Variants in RPS6KA5 observed in about 807,000 individuals in gnomAD.
The protein encoded by RPS6KA5 is ribosomal protein S6 kinase alpha-5.
A neutral mutation model predicts 85.5 loss-of-function variants in RPS6KA5; 27 were observed. The ratio of observed to expected loss-of-function variants is 0.32; its 90% CI spans 0.23 to 0.44. RPS6KA5 has a LOEUF of 0.44. Among genes scored for constraint, RPS6KA5 ranks in the 20% least tolerant of loss-of-function variants. The probability of loss-of-function intolerance (pLI) is 1.00; values close to 1 mark genes in which losing one functional copy is unlikely to be tolerated. For missense variants in RPS6KA5, 811 were observed against 980.9 expected (o/e 0.83, Z 2.31); for synonymous variants, 334 against 348.2 (o/e 0.96, Z 0.46).
chr14:90,985,934 G>A (rs576841973), intron 2 of RPS6KA5, among the ~76,000 whole-genome samples: 58 of 152,238 alleles, frequency 3.8e-4, no homozygotes, highest in African/African-American at 1.4e-3. Context: ...TGCTTTGAAA[G>A]GACTAGATAA....
chr14:91,026,394 C>A (rs1317333659), intron 1 of RPS6KA5, among the ~76,000 whole-genome samples: 1 of 152,044 alleles, frequency 6.6e-6, no homozygotes, highest in Non-Finnish European at 1.5e-5. Flanking sequence ...CCATACCTAG[C>A]TAATTTTTTT....
chr14:90,968,012 C>T (rs780954520), intron 3 of RPS6KA5, among the ~76,000 whole-genome samples: 5 of 152,144 alleles, frequency 3.3e-5, no homozygotes, highest in Non-Finnish European at 7.4e-5. Context: ...GACTTAGTGG[C>T]GTAAACACTA....
intron 5 of RPS6KA5, among the ~76,000 whole-genome samples, chr14:90,927,016 C>T (rs572112394): frequency 3.3e-5 from 5 of 152,150 alleles, no homozygotes; most frequent in African/African-American, 1.2e-4. Flanking sequence ...GACTAAAATA[C>T]TAAATAATAT....
chr14:90,860,876 CAA>C lies in RPS6KA5; in HGVS notation c.*11196_*11197del, dbSNP rs2032508794. The C allele has an allele frequency of 6.8e-6, 1 of 146,698 alleles. No individual in the cohort carries two copies. Among genetic ancestry groups the C allele is most frequent in the East Asian group, 2.0e-4 (1 of 4,980 alleles). The allele number at this position is 146,698 out of a possible 1,614,324, so 9.1% of individuals were successfully genotyped here. On this transcript the variant is annotated 3_prime_UTR_variant, in exon 17 of 17. Transcript: ENST00000614987. ...AAACATAAATATGTGAGCAAACAAA[CAA>C]TATAGAGTCTATTTTTTTTTTTTTT...
At chr14:90,930,646 A>T (rs1347384530) in intron 5 of RPS6KA5, among the ~76,000 whole-genome samples, 7 of 152,172 alleles carry the variant, frequency 4.6e-5, no homozygotes, top group Non-Finnish European at 4.4e-5. Context: ...TCTGATAAGG[A>T]GTTAATATCT....
chr14:90,925,941 C>CAAAAAAAAAA (rs71117389), intron 5 of RPS6KA5, among the ~76,000 whole-genome samples: 81 of 73,404 alleles, frequency 1.1e-3, no homozygotes, highest in Non-Finnish European at 1.2e-3. Context: ...GACCCTGACT[C>CAAAAAAAAAA]AAAAAAAAAA....
chr14:91,041,966 ATAAAT>A (rs1241401049), intron 1 of RPS6KA5, among the ~76,000 whole-genome samples: 8 of 152,244 alleles, frequency 5.3e-5, no homozygotes, highest in African/African-American at 1.9e-4. Context: ...CATGTACCAA[ATAAAT>A]TTAACTTAGA....
At chr14:90,885,252 CA>C (rs997481800) in intron 14 of RPS6KA5, among the ~76,000 whole-genome samples, 1,840 of 101,780 alleles carry the variant, frequency 0.018, 36 homozygotes, top group Admixed American at 0.053. Flanking sequence ...GATCTTGTCT[CA>C]AAAAAAAAAA....
rs972145407 is a variant in RPS6KA5 at position 90,870,257 on chromosome 14, C to G, written c.*1817G>C. On this transcript the variant is annotated 3_prime_UTR_variant, in exon 17 of 17. Coordinates refer to ENST00000614987, the MANE Select transcript of RPS6KA5 (RefSeq NM_004755.4). ...TTTCTTGATTACTAGAGATCTGTGC[C>G]TGATGGAATCACATTTTGTGAATTA... The G allele has an allele frequency of 1.3e-5, 2 of 152,092 alleles. No individual in the cohort carries two copies. Among genetic ancestry groups the G allele is most frequent in the Non-Finnish European group, 2.9e-5 (2 of 68,018 alleles). 9.4% of individuals were successfully genotyped at this position (152,092 alleles called of 1,614,324 possible). A position where few individuals can be genotyped will look rare whatever the true frequency, so the allele number is the denominator to read the frequency against.
chr14:91,057,532 T>TTCA (rs2043373555), intron 1 of RPS6KA5, among the ~76,000 whole-genome samples: 1 of 144,128 alleles, frequency 6.9e-6, no homozygotes, highest in Non-Finnish European at 1.5e-5. Context: ...TAGTACCGTG[T>TTCA]GTTAACTGTT....
chr14:91,016,365 T>G (rs2041497477), intron 1 of RPS6KA5, among the ~76,000 whole-genome samples: 1 of 152,172 alleles, frequency 6.6e-6, no homozygotes, highest in South Asian at 2.1e-4. Context: ...TTAATTTTAT[T>G]TTTAAATGAT....
At chr14:90,992,176 C>T (rs536367344) in intron 2 of RPS6KA5, among the ~76,000 whole-genome samples, 1 of 152,040 alleles carries the variant, frequency 6.6e-6, no homozygotes, top group Non-Finnish European at 1.5e-5. Context: ...TTATTATATT[C>T]ATTATAAAAG....
intron 2 of RPS6KA5, among the ~76,000 whole-genome samples, chr14:90,983,382 T>C (rs2039890680): frequency 6.6e-6 from 1 of 151,830 alleles, no homozygotes; most frequent in South Asian, 2.1e-4. Flanking sequence ...GGCAAATCAC[T>C]TGAGCCCAGG....
chr14:90,858,324 G>A lies in RPS6KA5; in HGVS notation c.*13750C>T, dbSNP rs971204138. 3 of 151,924 alleles carry A rather than the reference G, an allele frequency of 2.0e-5. No homozygotes were observed. The highest frequency in any genetic ancestry group is 6.6e-5 in the Admixed American group (1 of 15,256). 9.4% of individuals were successfully genotyped at this position (151,924 alleles called of 1,614,324 possible). ...CAAAATCATCTATTTCAGAAAAATCGAATTCATTAAATAAATCTCTGTCCA... is the reference window on the plus strand; with the variant it reads ...CAAAATCATCTATTTCAGAAAAATCAAATTCATTAAATAAATCTCTGTCCA... On this transcript the variant is annotated 3_prime_UTR_variant, in exon 17 of 17. Coordinates refer to ENST00000614987, the MANE Select transcript of RPS6KA5 (RefSeq NM_004755.4).
intron 1 of RPS6KA5, among the ~76,000 whole-genome samples, chr14:91,045,524 A>G (rs1387684888): frequency 2.0e-5 from 3 of 152,204 alleles, no homozygotes; most frequent in Non-Finnish European, 4.4e-5. Flanking sequence ...TTGGCCTCCC[A>G]AAGTGCTGGG....
In RPS6KA5 at chr14:90,929,984, C is replaced by T. The variant is rs556747803; in HGVS notation, c.619-6788G>A. 1.2e-4 allele frequency among the ~76,000 whole-genome samples: 18 copies of T among 152,176 alleles called. No homozygotes were observed. The South Asian group carries it at 3.7e-3, about 32-fold the overall frequency. ...TTCCTGGGTTCAAGTGAACCTTCTG[C>T]CTCAGCTTCCCGAGCAGCTGGGACT... On this transcript the variant is annotated intron_variant, in intron 5 of 16. Coordinates refer to ENST00000614987, the MANE Select transcript of RPS6KA5 (RefSeq NM_004755.4).
intron 1 of RPS6KA5, among the ~76,000 whole-genome samples, chr14:91,018,830 T>C (rs2041615168): frequency 6.6e-6 from 1 of 152,112 alleles, no homozygotes; most frequent in Non-Finnish European, 1.5e-5. Flanking sequence ...TGTGTGCCAG[T>C]TCTCCCTAAT....
intron 1 of RPS6KA5, among the ~76,000 whole-genome samples, chr14:91,005,432 A>C (rs2040975590): frequency 1.3e-5 from 2 of 152,214 alleles, no homozygotes; most frequent in Admixed American, 1.3e-4. Context: ...CCTGACTCTG[A>C]GTCTTTTCCA....
At position 90,978,327 on chromosome 14, in the gene RPS6KA5, T is replaced by G; in HGVS notation, c.373A>C (p.Thr125Pro). 1 of 1,602,744 alleles carries G rather than the reference T, an allele frequency of 6.2e-7. No individual in the cohort carries two copies. The highest frequency in any genetic ancestry group is 8.5e-7 in the Non-Finnish European group (1 of 1,176,486). ...TTACCTAAAATGAGATGAAGTTTGG[T>G]TTCTGTCTGGAAAGCATAATGTAAT... is the stretch of plus-strand genomic sequence containing the variant. ...VTLHYAFQTE[T>P]KLHLILDYIN... Residue 125 changes from threonine to proline, a missense_variant, in exon 3 of 17, where the codon ACC (threonine) becomes CCC (proline). Physicochemically the swap from Thr to Pro is conservative, Grantham distance 38 (BLOSUM62 -1). Coordinates refer to ENST00000614987, the MANE Select transcript of RPS6KA5 (RefSeq NM_004755.4).
Sources: gnomAD v4.1 joint callset for allele counts (sites outside exome capture counted in the v4.1 genomes callset) on GRCh38, gnomAD v4.1.1 for gene constraint, MANE v1.5 for transcripts, NCBI Gene and HGNC (gene_info 2026-07-23, HGNC 2026-07-21) for gene names.